The following PRKN variants were observed in gnomAD, a reference collection of about 807,000 sequenced individuals.
PRKN encodes parkin RBR E3 ubiquitin protein ligase, also known as E3 ubiquitin-protein ligase parkin.
In PRKN, 56 loss-of-function variants were observed where a neutral mutation model predicts 59.5. The ratio of observed to expected loss-of-function variants is 0.94; its 90% CI spans 0.76 to 1.18. PRKN has a LOEUF of 1.18. Ranked by LOEUF, PRKN falls within the 50% of genes most tolerant of loss-of-function variation. PRKN has a pLI of 0.00. For missense variants in PRKN, 657 were observed against 596.4 expected (o/e 1.10, Z -1.06); for synonymous variants, 250 against 222.1 (o/e 1.13, Z -1.12).
intron 2 of PRKN, 65 bp from the exon 3 acceptor site, chr6:162,262,830 T>G (rs1479177492): frequency 8.3e-6 from 13 of 1,575,708 alleles, no homozygotes; most frequent in Non-Finnish European, 1.0e-5. Context: ...AAATGCGAGA[T>G]AGAGTTTAAC....
chr6:162,063,334 C>T (rs1778182653), intron 4 of PRKN, among the ~76,000 whole-genome samples: 1 of 152,108 alleles, frequency 6.6e-6, no homozygotes, highest in Non-Finnish European at 1.5e-5. Flanking sequence ...CAAAACAAGA[C>T]GTATAAGTGG....
chr6:162,076,365 T>C (rs1174217146), intron 4 of PRKN, among the ~76,000 whole-genome samples: 1 of 131,804 alleles, frequency 7.6e-6, no homozygotes, highest in Admixed American at 8.4e-5. Context: ...AAGACATACA[T>C]ATTTTTTAAT....
chr6:162,058,021 C>T (rs185201817), intron 4 of PRKN, among the ~76,000 whole-genome samples: 74 of 152,176 alleles, frequency 4.9e-4, no homozygotes, highest in African/African-American at 1.7e-3. Context: ...ACATCTTGCC[C>T]CTTTGTTTGT....
chr6:161,402,930 GGAGGGGATTCACGACAACTGA>G lies in PRKN; in HGVS notation c.1084-16074_1084-16054del, dbSNP rs1381449775. On this transcript the variant is annotated intron_variant, in intron 9 of 11. Coordinates refer to ENST00000366898, the MANE Select transcript of PRKN (RefSeq NM_004562.3). The surrounding 1 kb of genome is among the most constrained non-coding windows in gnomAD (Gnocchi z 4.5). ...CTTCCCCGGCTGACACAATTCCCTG[GGAGGGGATTCACGACAACTGA>G]GATCCATCAATTGTATTTGCAGAGA... is the stretch of plus-strand genomic sequence containing the variant. 1.3e-5 allele frequency among the ~76,000 whole-genome samples: 2 copies of G among 152,118 alleles called. No individual in the cohort carries two copies. Among genetic ancestry groups the G allele is most frequent in the Non-Finnish European group, 2.9e-5 (2 of 68,030 alleles).
intron 5 of PRKN, among the ~76,000 whole-genome samples, chr6:161,980,745 A>G (rs1229825264): frequency 2.0e-5 from 3 of 152,138 alleles, no homozygotes; most frequent in Non-Finnish European, 4.4e-5. Flanking sequence ...ATCTCCAGAA[A>G]CAGCCCCAAC....
intron 1 of PRKN, among the ~76,000 whole-genome samples, chr6:162,633,785 G>A (rs1434009515): frequency 6.6e-6 from 1 of 152,124 alleles, no homozygotes; most frequent in Non-Finnish European, 1.5e-5. Context: ...AGGGATGGCA[G>A]GATGAAGCGA....
At chr6:161,823,924 A>G (rs1792138174) in intron 6 of PRKN, among the ~76,000 whole-genome samples, 1 of 152,012 alleles carries the variant, frequency 6.6e-6, no homozygotes, top group African/African-American at 2.4e-5. Context: ...GCCCCTTTCC[A>G]CTCCAGCACT....
rs1009888837 is a variant in PRKN at position 161,400,322 on chromosome 6, T to G, written c.1084-13445A>C. Among the ~76,000 whole-genome samples the G allele has an allele frequency of 6.6e-6, 1 of 152,020 alleles. No individual in the cohort carries two copies. The highest frequency in any genetic ancestry group is 2.4e-5 in the African/African-American group (1 of 41,396). On this transcript the variant is annotated intron_variant, in intron 9 of 11. Coordinates refer to ENST00000366898, the MANE Select transcript of PRKN (RefSeq NM_004562.3). This position sits in a 1 kb window ranked among gnomAD's most constrained non-coding sequence, Gnocchi z 4.2. ...AATTAAACCTAATCTTTTTTTTTTT[T>G]TTGAGATGGAATTTCACTCTTGTCA... is the stretch of plus-strand genomic sequence containing the variant.
intron 4 of PRKN, among the ~76,000 whole-genome samples, chr6:162,182,870 A>G (rs908685388): frequency 2.6e-5 from 4 of 152,088 alleles, no homozygotes; most frequent in Admixed American, 6.5e-5. Context: ...CTAAATAACT[A>G]TTGTATTATT....
intron 1 of PRKN, among the ~76,000 whole-genome samples, chr6:162,684,483 T>C (rs572922150): frequency 9.9e-5 from 15 of 152,262 alleles, no homozygotes; most frequent in African/African-American, 3.6e-4. Flanking sequence ...AAAACCCTAA[T>C]ACAGCATAAG....
At chr6:162,530,699 ATG>A (rs1407697912) in intron 1 of PRKN, among the ~76,000 whole-genome samples, 1 of 152,202 alleles carries the variant, frequency 6.6e-6, no homozygotes, top group Non-Finnish European at 1.5e-5. Context: ...AGCATGTTTA[ATG>A]GAATATATGT....
intron 2 of PRKN, among the ~76,000 whole-genome samples, chr6:162,348,654 T>G (rs989704264): frequency 6.6e-6 from 1 of 152,152 alleles, no homozygotes; most frequent in Non-Finnish European, 1.5e-5. Flanking sequence ...TCTCCTATGG[T>G]TTTGTTGCAT....
rs983932615 is a variant in PRKN, at chr6:161,379,716, A to C, written c.1167+7078T>G. The stretch of plus-strand genomic sequence containing the variant: ...ACTCTGTGTCCATGCACAACAACTC[A>C]GAAGGCTCATCCAGCTCCAGAGCTC... On this transcript the variant is annotated intron_variant, in intron 10 of 11. Transcript: ENST00000366898. This position sits in a 1 kb window ranked among gnomAD's most constrained non-coding sequence, Gnocchi z 4.9. 6.6e-6 allele frequency among the ~76,000 whole-genome samples: 1 copy of C among 152,228 alleles called. No individual in the cohort carries two copies. Among genetic ancestry groups the C allele is most frequent in the African/African-American group, 2.4e-5 (1 of 41,464 alleles).
intron 7 of PRKN, among the ~76,000 whole-genome samples, chr6:161,598,533 T>G (rs915205428): frequency 2.6e-5 from 4 of 152,200 alleles, no homozygotes; most frequent in Admixed American, 6.5e-5. Context: ...TTCTTAGCAA[T>G]GAGAGGCTGG....
intron 5 of PRKN, among the ~76,000 whole-genome samples, chr6:161,993,552 T>A (rs1400704399): frequency 6.6e-6 from 1 of 152,142 alleles, no homozygotes; most frequent in Non-Finnish European, 1.5e-5. Flanking sequence ...TTAAACTATT[T>A]CAAAAAGGTG....
rs1790143432 is a variant in PRKN, at chr6:161,460,260, T to TTGA, written c.1084-73386_1084-73384dup. 6.6e-6 allele frequency among the ~76,000 whole-genome samples: 1 copy of TTGA among 152,210 alleles called. No homozygotes were observed. Among genetic ancestry groups the TTGA allele is most frequent in the African/African-American group, 2.4e-5 (1 of 41,448 alleles). ...AAAAGATTATTTTATTTAATTCTTG[T>TTGA]TGATGGGCACCGTGTGTTTACAGAG... is the stretch of plus-strand genomic sequence containing the variant. On this transcript the variant is annotated intron_variant, in intron 9 of 11. Coordinates refer to ENST00000366898, the MANE Select transcript of PRKN (RefSeq NM_004562.3). This position sits in a 1 kb window ranked among gnomAD's most constrained non-coding sequence, Gnocchi z 5.0.
intron 2 of PRKN, among the ~76,000 whole-genome samples, chr6:162,387,942 C>T (rs1295421953): frequency 2.6e-5 from 4 of 152,176 alleles, no homozygotes; most frequent in Middle Eastern, 3.2e-3. Flanking sequence ...CCTCTGAGTG[C>T]TGGGGAACAC....
At chr6:162,061,158 T>C (rs1778086827) in intron 4 of PRKN, among the ~76,000 whole-genome samples, 1 of 152,230 alleles carries the variant, frequency 6.6e-6, no homozygotes, top group Admixed American at 6.5e-5. Flanking sequence ...GCTAGTTGCA[T>C]GGACCCATTC....
chr6:162,349,644 G>A lies in PRKN; in HGVS notation c.172-86879C>T, dbSNP rs768587649. 2.0e-5 allele frequency among the ~76,000 whole-genome samples: 3 copies of A among 152,294 alleles called. 1 individual carries two copies. The highest frequency in any genetic ancestry group is 4.1e-4 in the South Asian group (2 of 4,828). ...TTAAAAAGTACATTATGATCAAGTA[G>A]AGTACATTCCAATAATGAGAGGTGA... On this transcript the variant is annotated intron_variant, in intron 2 of 11. Coordinates refer to ENST00000366898, the MANE Select transcript of PRKN (RefSeq NM_004562.3).
Sources: allele counts gnomAD v4.1 joint callset (sites outside exome capture counted in the v4.1 genomes callset), GRCh38; gene constraint gnomAD v4.1.1; non-coding constraint Gnocchi (gnomAD v3.1); transcripts MANE v1.5; gene names NCBI Gene and HGNC (gene_info 2026-07-23, HGNC 2026-07-21).